NPIPA1: variants seen among roughly 807,000 people sequenced by gnomAD.
NPIPA1 encodes the protein nuclear pore complex-interacting protein family member A1.
For synonymous variants in NPIPA1, 7 were observed against 88.0 expected, an observed-to-expected ratio of 0.08 and a Z score of 5.15; for missense variants, 22 against 232.2, an observed-to-expected ratio of 0.09 and a Z score of 5.88.
intron 1 of NPIPA1, among the ~76,000 whole-genome samples, chr16:14,940,380 T>TTA (rs1281726744): frequency 1.3e-5 from 2 of 152,146 alleles, no homozygotes; most frequent in Non-Finnish European, 2.9e-5. Context: ...GCATCCAATG[T>TTA]TATACATCAA....
At chr16:14,941,188 A>G (rs1423544121) in intron 1 of NPIPA1, among the ~76,000 whole-genome samples, 1 of 151,476 alleles carries the variant, frequency 6.6e-6, no homozygotes, top group African/African-American at 2.4e-5. Context: ...CTGTAATCCC[A>G]GCACTTTGGG....
chr16:14,938,637 C>T (rs1965681883), intron 1 of NPIPA1, among the ~76,000 whole-genome samples: 4 of 137,388 alleles, frequency 2.9e-5, no homozygotes, highest in Admixed American at 1.5e-4. Context: ...AGGAGCTGGA[C>T]GTTGCAGTGA....
At chr16:14,937,866 C>T (rs1283853528) in intron 1 of NPIPA1, among the ~76,000 whole-genome samples, 1 of 141,622 alleles carries the variant, frequency 7.1e-6, no homozygotes, top group Non-Finnish European at 1.5e-5. Flanking sequence ...GAACCTTTGT[C>T]TCCCTCTAAT....
At position 14,938,530 on chromosome 16, in the gene NPIPA1, T is replaced by C. The variant is rs557718194; in HGVS notation, c.63+1025T>C. Among the ~76,000 whole-genome samples the C allele has an allele frequency of 1.8e-4, 26 of 143,394 alleles. No homozygotes were observed. The Admixed American group carries it at 1.9e-3, about 10-fold the overall frequency. The allele number at this position is 143,394 out of a possible 152,430, so 94.1% of individuals were successfully genotyped here. On this transcript the variant is annotated intron_variant, in intron 1 of 7. Transcript: ENST00000328085. ...CAGGGCATCATAGCGAAACCCCATC[T>C]CTACAAAAAATTCCAAAAAAGATTA...
chr16:14,940,746 C>T (rs1965731676), intron 1 of NPIPA1, among the ~76,000 whole-genome samples: 2 of 114,960 alleles, frequency 1.7e-5, no homozygotes, highest in Admixed American at 2.1e-4. Flanking sequence ...TTATACTTAG[C>T]TTGTCTTACC....
intron 2 of NPIPA1, among the ~76,000 whole-genome samples, chr16:14,943,372 G>C (rs1965799785): frequency 2.7e-5 from 4 of 147,600 alleles, no homozygotes; most frequent in Admixed American, 2.7e-4. Flanking sequence ...GGCCAGGCTA[G>C]TCTCAAAACC....
intron 5 of NPIPA1, 57 bp from the exon 6 acceptor site, chr16:14,949,993 A>G (rs1965978059): frequency 2.0e-6 from 1 of 493,604 alleles, no homozygotes. Context: ...ATGGCAGATT[A>G]TTTAAAATCA....
At chr16:14,945,227 G>GTTGTGTGT (rs748459839) in intron 2 of NPIPA1, among the ~76,000 whole-genome samples, 3,733 of 136,324 alleles carry the variant, frequency 0.027, 71 homozygotes, top group East Asian at 0.064. Flanking sequence ...ATTCTTGTGT[G>GTTGTGTGT]GTGTGTGTGT....
intron 4 of NPIPA1, among the ~76,000 whole-genome samples, chr16:14,946,883 C>A (rs1458139185): frequency 2.6e-5 from 4 of 152,262 alleles, no homozygotes; most frequent in African/African-American, 9.6e-5. Context: ...TTAGTAGAGG[C>A]GGGGTTTCAC....
At chr16:14,948,513 TGAG>T (rs1160306717) in intron 4 of NPIPA1, among the ~76,000 whole-genome samples, 4 of 152,210 alleles carry the variant, frequency 2.6e-5, no homozygotes, top group African/African-American at 9.7e-5. Flanking sequence ...AGAAGTCAGA[TGAG>T]GAGCAATCCT....
intron 2 of NPIPA1, among the ~76,000 whole-genome samples, chr16:14,942,919 A>G (rs1389382230): frequency 4.6e-5 from 7 of 152,280 alleles, no homozygotes; most frequent in African/African-American, 1.7e-4. Flanking sequence ...CTTCTGAACA[A>G]TGATCCAAGA....
chr16:14,942,757 G>A (rs1381251045), intron 2 of NPIPA1, among the ~76,000 whole-genome samples: 21 of 152,322 alleles, frequency 1.4e-4, no homozygotes, highest in African/African-American at 1.9e-4. Flanking sequence ...AGAGAGATCC[G>A]TATGTCAAAA....
intron 4 of NPIPA1, among the ~76,000 whole-genome samples, chr16:14,947,833 C>T (rs1437135847): frequency 6.6e-5 from 10 of 152,150 alleles, no homozygotes; most frequent in African/African-American, 1.2e-4. Context: ...TTCCCAAGTG[C>T]ACAGCAGGAG....
chr16:14,940,265 T>C (rs1441465312), intron 1 of NPIPA1, among the ~76,000 whole-genome samples: 11 of 116,862 alleles, frequency 9.4e-5, no homozygotes, highest in Non-Finnish European at 2.0e-4. Flanking sequence ...ATTGTATTTT[T>C]TTTTTTTTTT....
chr16:14,943,679 C>T (rs1965807661), intron 2 of NPIPA1, among the ~76,000 whole-genome samples: 1 of 149,374 alleles, frequency 6.7e-6, no homozygotes, highest in African/African-American at 2.4e-5. Flanking sequence ...CTCCTAGCTC[C>T]AAACTGGGCC....
intron 2 of NPIPA1, among the ~76,000 whole-genome samples, chr16:14,943,144 C>CTTTT (rs796144995): frequency 7.5e-6 from 1 of 133,020 alleles, no homozygotes; most frequent in Non-Finnish European, 1.6e-5. Flanking sequence ...TTGGAGGAAG[C>CTTTT]TTTTTTTTTT....
chr16:14,943,265 C>T (rs1343356356), intron 2 of NPIPA1, among the ~76,000 whole-genome samples: 1 of 151,692 alleles, frequency 6.6e-6, no homozygotes, highest in Non-Finnish European at 1.5e-5. Flanking sequence ...CAAGTGATTC[C>T]CCTGCCTCAG....
intron 2 of NPIPA1, among the ~76,000 whole-genome samples, chr16:14,943,012 G>A (rs1304245335): frequency 3.5e-4 from 53 of 152,304 alleles, no homozygotes; most frequent in African/African-American, 1.2e-3. Context: ...ATAATTACAC[G>A]TCATTTGGCA....
chr16:14,941,450 A>G, intron 1 of NPIPA1: 2 of 264,964 alleles, frequency 7.5e-6, no homozygotes, highest in South Asian at 4.8e-5. Flanking sequence ...AAAAAAAAAA[A>G]AAAAAAAATT....
Sources: allele counts gnomAD v4.1 joint callset (sites outside exome capture counted in the v4.1 genomes callset), GRCh38; gene constraint gnomAD v4.1.1; transcripts MANE v1.5; gene names NCBI Gene and HGNC (gene_info 2026-07-23, HGNC 2026-07-21).